DELE1: variants seen among roughly 807,000 people sequenced by gnomAD.
DELE1 encodes DAP3 binding cell death enhancer 1, also known as death ligand signal enhancer.
A neutral mutation model predicts 59.3 loss-of-function variants in DELE1; 54 were observed. The ratio of observed to expected loss-of-function variants is 0.91; its 90% confidence interval spans 0.73 to 1.14. DELE1 has a LOEUF of 1.14. Among genes scored for constraint, DELE1 ranks in the 50% most tolerant of loss-of-function variants. The pLI is 0.00. For synonymous variants in DELE1, 264 were observed against 259.1 expected (o/e 1.02, Z -0.18); for missense variants, 636 against 643.9 (o/e 0.99, Z 0.13).
At chr5:141,928,100 G>C (rs763369965) in intron 3 of DELE1, 51 bp from the exon 4 acceptor site, 3 of 1,575,236 alleles carry the variant, frequency 1.9e-6, no homozygotes, top group Non-Finnish European at 2.6e-6. Context: ...GGCCGGGTCT[G>C]ATGGAGTTGA....
chr5:141,933,226 G>A lies in DELE1; in HGVS notation c.755-33G>A, dbSNP rs368726655. The A allele has an allele frequency of 1.2e-5, 18 of 1,490,908 alleles. No individual in the cohort carries two copies. In the African/African-American group the frequency reaches 2.2e-4, roughly 18 times the overall value. The allele number at this position is 1,490,908 out of a possible 1,614,324, so 92.4% of individuals were successfully genotyped here. On this transcript the variant is annotated intron_variant, in intron 7 of 11. Transcript: ENST00000432126. ...TGAGGGTGTGGGGAAGTTCACTGAG[G>A]AAGCTGTGTTTGTGCCCTGTGCCTT...
chr5:141,927,001 G>A (rs1446028482), intron 3 of DELE1, among the ~76,000 whole-genome samples: 1 of 152,188 alleles, frequency 6.6e-6, no homozygotes, highest in African/African-American at 2.4e-5. Flanking sequence ...CCACAGACAG[G>A]CTTTCCCTGA....
Position 141,939,747 on chromosome 5 carries a change from G to A in DELE1, c.*988G>A, listed in dbSNP as rs913008632. The A allele has an allele frequency of 2.1e-6, 2 of 955,518 alleles. No individual in the cohort carries two copies. Among genetic ancestry groups the A allele is most frequent in the Non-Finnish European group, 1.2e-6 (1 of 802,654 alleles). The allele number at this position is 955,518 out of a possible 1,614,324, so 59.2% of individuals were successfully genotyped here. A position where few individuals can be genotyped will look rare whatever the true frequency, so the allele number is the denominator to read the frequency against. On this transcript the variant is annotated 3_prime_UTR_variant, in exon 12 of 12. Coordinates refer to ENST00000432126, the MANE Select transcript of DELE1 (RefSeq NM_014773.5). ...GCCACTTGCCTGGCCATGTCACCTT[G>A]AAGCTGTGACCTGACTCCCTATATT...
Position 141,940,369 on chromosome 5 carries a change from A to T in DELE1, c.*1610A>T. On this transcript the variant is annotated 3_prime_UTR_variant, in exon 12 of 12. Transcript: ENST00000432126. Reference sequence around the variant, plus strand: ...TGAATAGCTATTCCCTGGCTTCTGGATGTTAGCCCAAGTTGAATAGCATAG... The same window carrying T: ...TGAATAGCTATTCCCTGGCTTCTGGTTGTTAGCCCAAGTTGAATAGCATAG... 2.0e-6 allele frequency: 2 copies of T among 985,426 alleles called. No individual in the cohort carries two copies. Among genetic ancestry groups the T allele is most frequent in the Non-Finnish European group, 2.4e-6 (2 of 829,944 alleles). The allele number at this position is 985,426 out of a possible 1,614,324, so 61.0% of individuals were successfully genotyped here. A position where few individuals can be genotyped will look rare whatever the true frequency, so the allele number is the denominator to read the frequency against.
Position 141,941,022 on chromosome 5 carries a change from T to C in DELE1, c.*2263T>C. ...TAACCCAATGTTTTCTCTCACTGAA[T>C]TGAGCCCAGAGCCCGTTTCCCTACA... On this transcript the variant is annotated 3_prime_UTR_variant, in exon 12 of 12. Transcript: ENST00000432126. 4 of 985,440 alleles carry C rather than the reference T, an allele frequency of 4.1e-6. No homozygotes were observed. In the East Asian group the frequency reaches 4.5e-4, roughly 112 times the overall value. The allele number at this position is 985,440 out of a possible 1,614,324, so 61.0% of individuals were successfully genotyped here.
chr5:141,934,180 T>G, intron 8 of DELE1, 60 bp from the exon 9 acceptor site: 2 of 1,425,550 alleles, frequency 1.4e-6, no homozygotes, highest in Non-Finnish European at 1.9e-6. Context: ...AAAATTTCAC[T>G]GAGTGCAAAA....
At position 141,939,711 on chromosome 5, in the gene DELE1, G is replaced by C. The variant is rs1407881473; in HGVS notation, c.*952G>C. ...GAAGAGGAAAGTGTGTGAAGACCCA[G>C]GTCTGGCTCTGCCACTTGCCTGGCC... On this transcript the variant is annotated 3_prime_UTR_variant, in exon 12 of 12. Transcript: ENST00000432126. The C allele has an allele frequency of 1.0e-6, 1 of 985,600 alleles. No homozygotes were observed. The highest frequency in any genetic ancestry group is 6.2e-5 in the Admixed American group (1 of 16,260). 61.1% of individuals were successfully genotyped at this position (985,600 alleles called of 1,614,324 possible). A position where few individuals can be genotyped will look rare whatever the true frequency, so the allele number is the denominator to read the frequency against.
At position 141,933,352 on chromosome 5, in the gene DELE1, C is replaced by T. The variant is rs763442338; in HGVS notation, c.848C>T (p.Ala283Val). Reference sequence around the variant, plus strand: ...GGCTACAGCAAAGCGCAGTACAATGCGGGCTTGTGTCATGAGCATGGCAGA... The same window carrying T: ...GGCTACAGCAAAGCGCAGTACAATGTGGGCTTGTGTCATGAGCATGGCAGA... ...ARGYSKAQYN[A>V]GLCHEHGRGT... Residue 283 changes from alanine (A) to valine (V), a missense_variant, in exon 8 of 12, where the codon GCG becomes GTG. Coordinates refer to ENST00000432126, the MANE Select transcript of DELE1 (RefSeq NM_014773.5). The T allele has an allele frequency of 7.2e-6, 11 of 1,535,928 alleles. No individual in the cohort carries two copies. The highest frequency in any genetic ancestry group is 5.2e-5 in the Admixed American group (3 of 57,156).
chr5:141,924,760 TTTTGTTG>T, intron 2 of DELE1, 65 bp downstream of exon 2: 1 of 1,065,980 alleles, frequency 9.4e-7, no homozygotes, highest in Non-Finnish European at 1.4e-6. Flanking sequence ...ATTTTTTTTT[TTTTGTTG>T]TTTTTTGAGA....
chr5:141,941,024 G>A lies in DELE1; in HGVS notation c.*2265G>A. 6.1e-6 allele frequency: 6 copies of A among 985,390 alleles called. No individual in the cohort carries two copies. Among genetic ancestry groups the A allele is most frequent in the Non-Finnish European group, 7.2e-6 (6 of 829,904 alleles). 61.0% of individuals were successfully genotyped at this position (985,390 alleles called of 1,614,324 possible). ...ACCCAATGTTTTCTCTCACTGAATT[G>A]AGCCCAGAGCCCGTTTCCCTACAGA... On this transcript the variant is annotated 3_prime_UTR_variant, in exon 12 of 12. Coordinates refer to ENST00000432126, the MANE Select transcript of DELE1 (RefSeq NM_014773.5).
intron 7 of DELE1, 23 bp from the exon 8 acceptor site, chr5:141,933,234 GTT>G: frequency 2.0e-6 from 3 of 1,511,746 alleles, no homozygotes; most frequent in Non-Finnish European, 2.7e-6. Context: ...AGGAAGCTGT[GTT>G]TGTGCCCTGT....
chr5:141,937,976 C>A (rs1752506439), intron 11 of DELE1, among the ~76,000 whole-genome samples: 1 of 151,606 alleles, frequency 6.6e-6, no homozygotes, highest in Non-Finnish European at 1.5e-5. Flanking sequence ...AGGCACCCAC[C>A]ACGATCCCTG....
chr5:141,934,589 A>G lies in DELE1; in HGVS notation c.1149+3A>G. 6.2e-7 allele frequency: 1 copy of G among 1,613,608 alleles called. No individual in the cohort carries two copies. Among genetic ancestry groups the G allele is most frequent in the Non-Finnish European group, 8.5e-7 (1 of 1,179,462 alleles). On this transcript the variant is annotated splice_donor_region_variant and intron_variant, in intron 10 of 11. Coordinates refer to ENST00000432126, the MANE Select transcript of DELE1 (RefSeq NM_014773.5). ...TTTGGCTTGCAGCCAACAATGGGGT[A>G]TGCGATCTCAGTGGACAAGCATGTT...
rs562005248 is a variant in DELE1, at chr5:141,940,921, C to T, written c.*2162C>T. 4.8e-5 allele frequency: 47 copies of T among 975,690 alleles called. No homozygotes were observed. Among genetic ancestry groups the T allele is most frequent in the Admixed American group, 1.8e-4 (3 of 16,254 alleles). The allele number at this position is 975,690 out of a possible 1,614,324, so 60.4% of individuals were successfully genotyped here. On this transcript the variant is annotated 3_prime_UTR_variant, in exon 12 of 12. Transcript: ENST00000432126. ...TAAGTTTGGGAAATGCTGCACCAGA[C>T]GTCCCCTTTTTATAGATTCACAATA...
intron 10 of DELE1, chr5:141,936,828 C>G (rs1752397775): frequency 1.0e-6 from 1 of 974,104 alleles, no homozygotes; most frequent in Non-Finnish European, 1.2e-6. Flanking sequence ...AGACAACCCT[C>G]CACCTTCGCC....
At chr5:141,928,382 A>G in intron 4 of DELE1, 84 bp downstream of exon 4, 1 of 1,457,472 alleles carries the variant, frequency 6.9e-7, no homozygotes, top group East Asian at 2.3e-5. Flanking sequence ...CCTCAGGAAA[A>G]GAGCCATCAG....
In DELE1 at chr5:141,939,413, T is replaced by C. The variant is rs1752608474; in HGVS notation, c.*654T>C. 1 of 985,738 alleles carries C rather than the reference T, an allele frequency of 1.0e-6. No individual in the cohort carries two copies. Among genetic ancestry groups the C allele is most frequent in the Admixed American group, 6.2e-5 (1 of 16,260 alleles). 61.1% of individuals were successfully genotyped at this position (985,738 alleles called of 1,614,324 possible). On this transcript the variant is annotated 3_prime_UTR_variant, in exon 12 of 12. Coordinates refer to ENST00000432126, the MANE Select transcript of DELE1 (RefSeq NM_014773.5). ...TGAATGGCTGACACTTAGGAAACTCTGAATTAGGCCATCCTCGAGACTAGC... is the reference window on the plus strand; with the variant it reads ...TGAATGGCTGACACTTAGGAAACTCCGAATTAGGCCATCCTCGAGACTAGC...
intron 3 of DELE1, among the ~76,000 whole-genome samples, chr5:141,927,810 C>G (rs932148642): frequency 1.3e-5 from 2 of 152,164 alleles, no homozygotes; most frequent in Non-Finnish European, 2.9e-5. Flanking sequence ...GTCACTTGAT[C>G]AAGCATTTAT....
chr5:141,934,593 G>C lies in DELE1; in HGVS notation c.1149+7G>C. 1 of 1,612,318 alleles carries C rather than the reference G, an allele frequency of 6.2e-7. No individual in the cohort carries two copies. The highest frequency in any genetic ancestry group is 2.2e-5 in the East Asian group (1 of 44,880). Reference sequence around the variant, plus strand: ...GCTTGCAGCCAACAATGGGGTATGCGATCTCAGTGGACAAGCATGTTGGGG... The same window carrying C: ...GCTTGCAGCCAACAATGGGGTATGCCATCTCAGTGGACAAGCATGTTGGGG... On this transcript the variant is annotated splice_region_variant and intron_variant, in intron 10 of 11. Coordinates refer to ENST00000432126, the MANE Select transcript of DELE1 (RefSeq NM_014773.5).
Sources: allele counts gnomAD v4.1 joint callset (sites outside exome capture counted in the v4.1 genomes callset), GRCh38; gene constraint gnomAD v4.1.1; transcripts MANE v1.5; gene names NCBI Gene and HGNC (gene_info 2026-07-23, HGNC 2026-07-21).